ARHGAP12: variants seen among roughly 807,000 people sequenced by gnomAD.
ARHGAP12 encodes Rho GTPase activating protein 12.
A neutral mutation model predicts 108.6 loss-of-function variants in ARHGAP12; 64 were observed. The observed-to-expected ratio is 0.59, with a 90% CI of 0.48 to 0.73. The LOEUF (loss-of-function observed/expected upper bound fraction) is 0.73. Among genes scored for constraint, ARHGAP12 ranks in the 30% least tolerant of loss-of-function variants. The pLI is 0.00. For synonymous variants in ARHGAP12, 312 were observed against 337.2 expected (o/e 0.93, Z 0.82); for missense variants, 940 against 1,005.9 (o/e 0.93, Z 0.89).
Position 31,883,545 on chromosome 10 carries a change from T to C in ARHGAP12, c.685-21887A>G, listed in dbSNP as rs75560967. On this transcript the variant is annotated intron_variant, in intron 3 of 19. Coordinates refer to ENST00000344936, the MANE Select transcript of ARHGAP12 (RefSeq NM_018287.7). ...TTCAGCACAAAAATATTTAAAACAGTCTGACCAGAAACTACAGGAAATCTT... is the reference window on the plus strand; with the variant it reads ...TTCAGCACAAAAATATTTAAAACAGCCTGACCAGAAACTACAGGAAATCTT... 2.4e-3 allele frequency among the ~76,000 whole-genome samples: 367 copies of C among 152,280 alleles called. 3 individuals carry two copies. Among genetic ancestry groups the C allele is most frequent in the African/African-American group, 8.4e-3 (350 of 41,556 alleles).
At chr10:31,862,776 C>G (rs991702788) in intron 3 of ARHGAP12, among the ~76,000 whole-genome samples, 15 of 151,586 alleles carry the variant, frequency 9.9e-5, no homozygotes, top group African/African-American at 3.4e-4. Flanking sequence ...AACTGAAAAG[C>G]CTCCAGACAC....
chr10:31,887,337 A>G (rs1838225827), intron 3 of ARHGAP12, among the ~76,000 whole-genome samples: 1 of 152,190 alleles, frequency 6.6e-6, no homozygotes, highest in African/African-American at 2.4e-5. Context: ...CTAAATTACA[A>G]GTTAATCTCA....
intron 12 of ARHGAP12, among the ~76,000 whole-genome samples, 165 bp from the exon 13 acceptor site, chr10:31,818,051 T>C (rs1221770807): frequency 6.6e-6 from 1 of 152,124 alleles, no homozygotes; most frequent in African/African-American, 2.4e-5. Context: ...GAATACCTTT[T>C]TGGTTTACAA....
chr10:31,823,075 A>G (rs1332906083), intron 11 of ARHGAP12, among the ~76,000 whole-genome samples: 1 of 152,228 alleles, frequency 6.6e-6, no homozygotes, highest in Non-Finnish European at 1.5e-5. Flanking sequence ...ACTGAAAAGA[A>G]GCACAACATA....
chr10:31,826,225 A>C (rs1037609966), intron 11 of ARHGAP12, 79 bp downstream of exon 11: 13 of 1,141,652 alleles, frequency 1.1e-5, no homozygotes, highest in Non-Finnish European at 1.5e-5. Context: ...GGACTCTGGA[A>C]ATTACCTCCT....
At chr10:31,903,558 G>A (rs550458669) in intron 3 of ARHGAP12, among the ~76,000 whole-genome samples, 1 of 152,184 alleles carries the variant, frequency 6.6e-6, no homozygotes, top group South Asian at 2.1e-4. Context: ...ACTAGTTCTT[G>A]GACTTAACAC....
intron 12 of ARHGAP12, among the ~76,000 whole-genome samples, chr10:31,819,761 G>T (rs893006975): frequency 6.6e-6 from 1 of 152,068 alleles, no homozygotes; most frequent in African/African-American, 2.4e-5. Context: ...GCCACTAGAC[G>T]ACTGAAGCCT....
At chr10:31,901,085 G>A (rs1264983763) in intron 3 of ARHGAP12, among the ~76,000 whole-genome samples, 4 of 151,680 alleles carry the variant, frequency 2.6e-5, no homozygotes, top group Non-Finnish European at 4.4e-5. Context: ...GGGCACGGTG[G>A]TGCACCTGTA....
At chr10:31,899,481 C>A (rs1838836999) in intron 3 of ARHGAP12, among the ~76,000 whole-genome samples, 1 of 152,162 alleles carries the variant, frequency 6.6e-6, no homozygotes. Context: ...TTACTTTCAA[C>A]ACTTACTATA....
At chr10:31,872,802 A>G (rs1450611390) in intron 3 of ARHGAP12, among the ~76,000 whole-genome samples, 1 of 152,180 alleles carries the variant, frequency 6.6e-6, no homozygotes, top group Non-Finnish European at 1.5e-5. Flanking sequence ...TCCAGTCCCA[A>G]TCTTTTCTGC....
intron 1 of ARHGAP12, among the ~76,000 whole-genome samples, chr10:31,921,536 C>T (rs1463252717): frequency 6.6e-6 from 1 of 151,740 alleles, no homozygotes; most frequent in Non-Finnish European, 1.5e-5. Context: ...GAGGCAGAGT[C>T]GGGCGGATAA....
chr10:31,845,594 G>A (rs1014519309), intron 6 of ARHGAP12, among the ~76,000 whole-genome samples: 1 of 152,086 alleles, frequency 6.6e-6, no homozygotes, highest in African/African-American at 2.4e-5. Flanking sequence ...AGACCAGCCT[G>A]GCCAACATGG....
intron 3 of ARHGAP12, among the ~76,000 whole-genome samples, chr10:31,899,751 G>A (rs1376541057): frequency 6.6e-6 from 1 of 152,140 alleles, no homozygotes; most frequent in Admixed American, 6.5e-5. Flanking sequence ...CTATATTTAA[G>A]GTGAGAAACT....
intron 1 of ARHGAP12, among the ~76,000 whole-genome samples, chr10:31,913,981 T>C (rs899471673): frequency 6.6e-6 from 1 of 152,278 alleles, no homozygotes; most frequent in African/African-American, 2.4e-5. Flanking sequence ...AGGTACTTGG[T>C]GCACAGCACA....
At chr10:31,891,408 T>C (rs955369397) in intron 3 of ARHGAP12, among the ~76,000 whole-genome samples, 34 of 152,218 alleles carry the variant, frequency 2.2e-4, no homozygotes, top group African/African-American at 7.5e-4. Context: ...GAATATTGGC[T>C]CCCACTCTCT....
chr10:31,928,468 G>A (rs1406945013), intron 1 of ARHGAP12, among the ~76,000 whole-genome samples: 2 of 148,900 alleles, frequency 1.3e-5, no homozygotes, highest in African/African-American at 2.5e-5. Flanking sequence ...CCTCCCCCTC[G>A]GCGCCTAACC....
chr10:31,871,670 C>A (rs529154088), intron 3 of ARHGAP12, among the ~76,000 whole-genome samples: 3 of 152,310 alleles, frequency 2.0e-5, no homozygotes, highest in East Asian at 3.9e-4. Flanking sequence ...CTGCTACTAA[C>A]CCTCAATAAC....
intron 6 of ARHGAP12, among the ~76,000 whole-genome samples, chr10:31,844,509 G>A (rs1386554525): frequency 6.6e-6 from 1 of 151,984 alleles, no homozygotes; most frequent in Non-Finnish European, 1.5e-5. Context: ...AGTTGTTGTT[G>A]CAGCATCTCA....
intron 1 of ARHGAP12, among the ~76,000 whole-genome samples, chr10:31,918,195 C>T (rs537759180): frequency 1.3e-5 from 2 of 152,090 alleles, no homozygotes; most frequent in African/African-American, 4.8e-5. Flanking sequence ...TGACTCACAA[C>T]ATTTTTGACT....
Sources: gnomAD v4.1 joint callset for allele counts (sites outside exome capture counted in the v4.1 genomes callset) on GRCh38, gnomAD v4.1.1 for gene constraint, MANE v1.5 for transcripts, NCBI Gene and HGNC (gene_info 2026-07-23, HGNC 2026-07-21) for gene names.